NRXN3: variants seen among roughly 807,000 people sequenced by gnomAD.
NRXN3 encodes the protein neurexin III.
A neutral mutation model predicts 137.6 loss-of-function variants in NRXN3; 32 were observed. That is an observed-to-expected ratio of 0.23 (90% CI 0.18 to 0.31). The LOEUF (loss-of-function observed/expected upper bound fraction) is 0.31. Ranked by LOEUF, NRXN3 falls within the 10% of genes least tolerant of loss-of-function variation. NRXN3 has a pLI of 1.00. For missense variants in NRXN3, 1,574 were observed against 2,062.5 expected (o/e 0.76, Z 4.59); for synonymous variants, 798 against 784.5 (o/e 1.02, Z -0.29).
chr14:79,660,034 T>C (rs1422737163), intron 16 of NRXN3, among the ~76,000 whole-genome samples: 1 of 152,170 alleles, frequency 6.6e-6, no homozygotes, highest in Non-Finnish European at 1.5e-5. Flanking sequence ...TATCCTGTCC[T>C]TATAGTGTAT....
chr14:79,432,827 G>C (rs1013048943), intron 15 of NRXN3, among the ~76,000 whole-genome samples: 2 of 152,098 alleles, frequency 1.3e-5, no homozygotes, highest in African/African-American at 4.8e-5. Flanking sequence ...TGATTGGCAC[G>C]TGTTACTGAG....
chr14:78,627,104 T>TCTCTCTCTCTC (rs2097468839), intron 4 of NRXN3, among the ~76,000 whole-genome samples: 2 of 120,986 alleles, frequency 1.7e-5, no homozygotes, highest in Admixed American at 8.8e-5. Flanking sequence ...CCTCCCTCCC[T>TCTCTCTCTCTC]TCTCTCTCTC....
intron 10 of NRXN3, among the ~76,000 whole-genome samples, chr14:78,870,649 G>C (rs1314543903): frequency 6.6e-6 from 1 of 151,674 alleles, no homozygotes; most frequent in East Asian, 1.9e-4. Context: ...CTGTGTTTTC[G>C]TGCCTTTTAA....
intron 10 of NRXN3, among the ~76,000 whole-genome samples, chr14:78,930,800 G>A (rs1456796005): frequency 6.6e-6 from 1 of 152,164 alleles, no homozygotes; most frequent in Non-Finnish European, 1.5e-5. Flanking sequence ...AGGTGGAAAG[G>A]TGTAGTGAGC....
At chr14:78,385,426 A>C (rs572742662) in intron 4 of NRXN3, among the ~76,000 whole-genome samples, 15 of 152,338 alleles carry the variant, frequency 9.8e-5, no homozygotes, top group African/African-American at 3.4e-4. Flanking sequence ...TTATTAAGTC[A>C]GCACAAAAAA....
chr14:78,229,245 C>T (rs1031239446), intron 1 of NRXN3, among the ~76,000 whole-genome samples: 3 of 151,046 alleles, frequency 2.0e-5, no homozygotes, highest in South Asian at 2.1e-4. Context: ...AGAAGCTCTG[C>T]TTTTAACTGT....
At chr14:79,501,904 T>C (rs1255677154) in intron 16 of NRXN3, among the ~76,000 whole-genome samples, 1 of 152,176 alleles carries the variant, frequency 6.6e-6, no homozygotes, top group African/African-American at 2.4e-5. Flanking sequence ...GATTGGGATA[T>C]TGAAATTATA....
chr14:79,822,030 C>T (rs2099274234), intron 20 of NRXN3, among the ~76,000 whole-genome samples: 1 of 152,112 alleles, frequency 6.6e-6, no homozygotes, highest in South Asian at 2.1e-4. Flanking sequence ...TGTTGCCATA[C>T]AAGACGATAT....
At chr14:78,693,297 C>G (rs1395489041) in intron 6 of NRXN3, among the ~76,000 whole-genome samples, 3 of 151,838 alleles carry the variant, frequency 2.0e-5, no homozygotes, top group Non-Finnish European at 4.4e-5. Flanking sequence ...AGTTCCTCTC[C>G]TTTTTCATCA....
intron 1 of NRXN3, among the ~76,000 whole-genome samples, chr14:78,220,648 A>G (rs1187025862): frequency 2.0e-5 from 3 of 152,134 alleles, no homozygotes; most frequent in Non-Finnish European, 4.4e-5. Flanking sequence ...GGTAACTGGC[A>G]TGCTGCTGGG....
chr14:78,959,784 G>A (rs944967911), intron 11 of NRXN3, among the ~76,000 whole-genome samples: 1 of 152,112 alleles, frequency 6.6e-6, no homozygotes, highest in Non-Finnish European at 1.5e-5. Context: ...TGGTGCATCT[G>A]GATCCTGCAA....
intron 20 of NRXN3, among the ~76,000 whole-genome samples, chr14:79,852,917 T>G (rs1190444992): frequency 1.3e-5 from 2 of 151,996 alleles, no homozygotes; most frequent in Non-Finnish European, 2.9e-5. Flanking sequence ...GATCTTTATC[T>G]TAGATTTGAT....
At chr14:79,634,859 T>C (rs2098391217) in intron 16 of NRXN3, among the ~76,000 whole-genome samples, 1 of 152,204 alleles carries the variant, frequency 6.6e-6, no homozygotes, top group Non-Finnish European at 1.5e-5. Flanking sequence ...ATCATTACAC[T>C]ACTCTGTAAT....
At chr14:79,801,693 T>C (rs1171315769) in intron 19 of NRXN3, among the ~76,000 whole-genome samples, 1 of 152,212 alleles carries the variant, frequency 6.6e-6, no homozygotes, top group Non-Finnish European at 1.5e-5. Context: ...CTGGGCACCA[T>C]TGCTAGGAGC....
chr14:79,012,936 T>C (rs1313738629), intron 15 of NRXN3, among the ~76,000 whole-genome samples: 15 of 152,196 alleles, frequency 9.9e-5, no homozygotes, highest in Non-Finnish European at 1.5e-5. Context: ...GCATATTTTC[T>C]TCAGCATTTT....
At chr14:78,281,321 C>G (rs1471653385) in intron 3 of NRXN3, among the ~76,000 whole-genome samples, 2 of 152,200 alleles carry the variant, frequency 1.3e-5, no homozygotes, top group Non-Finnish European at 2.9e-5. Flanking sequence ...TCCTTCCCCT[C>G]AGGAAGTCAA....
At chr14:78,251,905 G>A (rs1402135737) in intron 2 of NRXN3, among the ~76,000 whole-genome samples, 1 of 152,116 alleles carries the variant, frequency 6.6e-6, no homozygotes, top group Non-Finnish European at 1.5e-5. Flanking sequence ...GAACTGTGTT[G>A]CAGGTATCAG....
chr14:78,562,329 G>A (rs956004012), intron 4 of NRXN3, among the ~76,000 whole-genome samples: 4 of 150,586 alleles, frequency 2.7e-5, no homozygotes, highest in African/African-American at 7.4e-5. Flanking sequence ...CCCAGAAGGC[G>A]GAGGTTTCAG....
At chr14:78,899,248 T>C (rs920213185) in intron 10 of NRXN3, among the ~76,000 whole-genome samples, 1 of 151,872 alleles carries the variant, frequency 6.6e-6, no homozygotes, top group African/African-American at 2.4e-5. Context: ...GGAAAACACT[T>C]CACAAGGGTT....
Sources: allele counts gnomAD v4.1 joint callset (sites outside exome capture counted in the v4.1 genomes callset), GRCh38; gene constraint gnomAD v4.1.1; transcripts MANE v1.5; gene names NCBI Gene and HGNC (gene_info 2026-07-23, HGNC 2026-07-21).